TINF2: variants seen among roughly 807,000 people sequenced by gnomAD.
TINF2 encodes the protein TERF1-interacting nuclear factor 2.
In TINF2, 27 loss-of-function variants were observed where a neutral mutation model predicts 50.4. That is an observed-to-expected ratio of 0.54 (90% CI 0.40 to 0.74). The LOEUF (loss-of-function observed/expected upper bound fraction) is 0.74, where lower values mean the gene tolerates loss of function less well. Ranked by LOEUF, TINF2 falls within the 30% of genes least tolerant of loss-of-function variation. TINF2 has a pLI of 0.00. For missense variants in TINF2, 496 were observed against 551.5 expected (o/e 0.90, Z 1.01); for synonymous variants, 223 against 214.6 (o/e 1.04, Z -0.34).
rs1307959770 is a variant in TINF2, at chr14:24,241,243, A to C, written c.468T>G (p.Cys156Trp). The change falls in exon 4 of 9, where the codon TGT becomes TGG. Residue 156 changes from cysteine (C) to tryptophan (W), a missense_variant. Cys to Trp is a radical substitution (Grantham distance 215, BLOSUM62 -2). Transcript: ENST00000267415. Reference sequence around the variant, plus strand: ...GTGTAGGCAGTGCTTTCTCCAGCTGACACAAGTACTCAAAAAGCAGCTTTT... The same window carrying C: ...GTGTAGGCAGTGCTTTCTCCAGCTGCCACAAGTACTCAAAAAGCAGCTTTT... ...AMEKLLFEYL[C>W]QLEKALPTPQ... 6.2e-7 allele frequency: 1 copy of C among 1,614,136 alleles called. No individual in the cohort carries two copies. The highest frequency in any genetic ancestry group is 8.5e-7 in the Non-Finnish European group (1 of 1,180,030).
Position 24,239,823 on chromosome 14 carries a change from A to G in TINF2, c.1330T>C (p.Cys444Arg). ...CACAAAGGTCTAGAACTGTCTCTAC[A>G]GTCACAGGAAGAAACAGGTATGGCA... is the stretch of plus-strand genomic sequence containing the variant. ...HGAIPVSSCD[C>R]RDSSRPL Residue 444 changes from cysteine to arginine, a missense_variant, in exon 9 of 9, where the codon TGT (cysteine) becomes CGT (arginine). Around this residue, in one of 3 missense-constraint regions of TINF2, gnomAD observed 179 missense variants for 188.3 expected, o/e 0.95. Coordinates refer to ENST00000267415, the MANE Select transcript of TINF2 (RefSeq NM_001099274.3). 3 of 1,614,220 alleles carry G rather than the reference A, an allele frequency of 1.9e-6. No individual in the cohort carries two copies. Among genetic ancestry groups the G allele is most frequent in the Non-Finnish European group, 2.5e-6 (3 of 1,180,038 alleles).
In TINF2 at chr14:24,241,033, C is replaced by A; in HGVS notation, c.591G>T (p.Gly197=). The A allele has an allele frequency of 6.2e-7, 1 of 1,614,170 alleles. No individual in the cohort carries two copies. The highest frequency in any genetic ancestry group is 8.5e-7 in the Non-Finnish European group (1 of 1,180,032). The change falls in exon 5 of 9, where the codon GGG becomes GGT. Residue 197 remains glycine (G), a synonymous_variant. Transcript: ENST00000267415. ...LAWRQYGVDM[G]WLLPECSVTD... is the part of the protein sequence containing the mutation. ...AATTCCTAGTACCTGGAAGCAGCCACCCCATGTCCACACCATATTGTCTCC... is the reference window on the plus strand; with the variant it reads ...AATTCCTAGTACCTGGAAGCAGCCAACCCATGTCCACACCATATTGTCTCC...
chr14:24,240,091 C>T lies in TINF2; in HGVS notation c.1194G>A (p.Glu398=), dbSNP rs1435597173. The T allele has an allele frequency of 6.2e-7, 1 of 1,614,038 alleles. No individual in the cohort carries two copies. The highest frequency in any genetic ancestry group is 1.1e-5 in the South Asian group (1 of 91,062). The stretch of plus-strand genomic sequence containing the variant: ...TTCCTTCCCCCTGGCCATTTTCTTC[C>T]TCATCAGAGTCTAAAACCAAGTCCC... ...TIGDLVLDSD[E]EENGQGEGKE... The change falls in exon 8 of 9, where the codon GAG becomes GAA. Residue 398 remains glutamate (E), a synonymous_variant. Transcript: ENST00000267415.
In TINF2 at chr14:24,240,249, C is replaced by A. The variant is rs1286802976; in HGVS notation, c.1129+14G>T. ...GAGGAGGCTGTTGATCCAATCCTGA[C>A]TCAGACTACCTACCTGGCTTCCTGG... On this transcript the variant is annotated intron_variant, in intron 7 of 8. Coordinates refer to ENST00000267415, the MANE Select transcript of TINF2 (RefSeq NM_001099274.3). The A allele has an allele frequency of 5.0e-6, 8 of 1,613,926 alleles. No individual in the cohort carries two copies.
Position 24,239,804 on chromosome 14 carries a change from G to A in TINF2, c.1349C>T (p.Pro450Leu). Residue 450 changes from proline to leucine, a missense_variant, in exon 9 of 9, where the codon CCT becomes CTT. Physicochemically the swap from Pro to Leu is moderately conservative, Grantham distance 98. Around this residue, in one of 3 missense-constraint regions of TINF2, gnomAD observed 179 missense variants for 188.3 expected, o/e 0.95. Transcript: ENST00000267415. The stretch of plus-strand genomic sequence containing the variant: ...GAGAGCATTTTAGTTCTATCACAAA[G>A]GTCTAGAACTGTCTCTACAGTCACA... ...SSCDCRDSSR[P>L]L The A allele has an allele frequency of 1.2e-6, 2 of 1,614,166 alleles. No individual in the cohort carries two copies. The highest frequency in any genetic ancestry group is 2.2e-5 in the East Asian group (1 of 44,890).
chr14:24,242,212 G>C lies in TINF2; in HGVS notation c.121C>G (p.Leu41Val). 6.2e-7 allele frequency: 1 copy of C among 1,614,276 alleles called. No individual in the cohort carries two copies. The highest frequency in any genetic ancestry group is 1.3e-5 in the African/African-American group (1 of 75,080). The change falls in exon 1 of 9, where the codon CTG (leucine) becomes GTG (valine). Residue 41 changes from leucine to valine, a missense_variant. Physicochemically the swap from Leu to Val is conservative, Grantham distance 32. This residue lies in a region of TINF2 where 314 missense variants were observed against 343.8 expected (regional missense o/e 0.91). Coordinates refer to ENST00000267415, the MANE Select transcript of TINF2 (RefSeq NM_001099274.3). The part of the protein sequence containing the change: ...FPRVLEFLRS[L>V]RAVAPGLVRY... ...ACCAAGCCAGGGGCAACAGCGCGCA[G>C]AGATCGCAGAAACTCCAGTACTCGC...
At position 24,242,270 on chromosome 14, in the gene TINF2, C is replaced by G. The variant is rs374231455; in HGVS notation, c.63G>C (p.Gln21His). The G allele has an allele frequency of 2.5e-6, 4 of 1,614,134 alleles. No homozygotes were observed. In the East Asian group the frequency reaches 6.7e-5, roughly 27 times the overall value. ...GTTCCACGCAGCGTCCGCGCACAACCTGCCAGCTAGCCGCGGCGGCGAAGC... is the reference window on the plus strand; with the variant it reads ...GTTCCACGCAGCGTCCGCGCACAACGTGCCAGCTAGCCGCGGCGGCGAAGC... Reference protein sequence around the residue: ...ALRFAAAASWQVVRGRCVEHF... With the variant: ...ALRFAAAASWHVVRGRCVEHF... Residue 21 changes from glutamine to histidine, a missense_variant, in exon 1 of 9, where the codon CAG becomes CAC. By Grantham distance (24) the Gln-to-His change is conservative. Coordinates refer to ENST00000267415, the MANE Select transcript of TINF2 (RefSeq NM_001099274.3).
At position 24,241,034 on chromosome 14, in the gene TINF2, C is replaced by G; in HGVS notation, c.590G>C (p.Gly197Ala). The change falls in exon 5 of 9, where the codon GGG (glycine) becomes GCG (alanine). Residue 197 changes from glycine (G) to alanine (A), a missense_variant. Gly to Ala is a moderately conservative substitution (Grantham distance 60, BLOSUM62 0). Around this residue, in one of 3 missense-constraint regions of TINF2, gnomAD observed 314 missense variants for 343.8 expected, o/e 0.91. Coordinates refer to ENST00000267415, the MANE Select transcript of TINF2 (RefSeq NM_001099274.3). ...ATTCCTAGTACCTGGAAGCAGCCACCCCATGTCCACACCATATTGTCTCCA... is the reference window on the plus strand; with the variant it reads ...ATTCCTAGTACCTGGAAGCAGCCACGCCATGTCCACACCATATTGTCTCCA... Reference protein sequence around the residue: ...LAWRQYGVDMGWLLPECSVTD... With the variant: ...LAWRQYGVDMAWLLPECSVTD... The G allele has an allele frequency of 6.2e-7, 1 of 1,614,096 alleles. No individual in the cohort carries two copies. The highest frequency in any genetic ancestry group is 8.5e-7 in the Non-Finnish European group (1 of 1,180,014).
chr14:24,240,172 A>G lies in TINF2; in HGVS notation c.1130-17T>C, dbSNP rs2040538429. On this transcript the variant is annotated splice_polypyrimidine_tract_variant and intron_variant, in intron 7 of 8. Transcript: ENST00000267415. ...GAGGACACACTGTAGGAGGGAAACC[A>G]GAATCAAACTACTACTTCTAGATGA... The G allele has an allele frequency of 3.1e-6, 5 of 1,614,122 alleles. No homozygotes were observed. Among genetic ancestry groups the G allele is most frequent in the South Asian group, 2.2e-5 (2 of 91,084 alleles).
chr14:24,240,526 C>T lies in TINF2; in HGVS notation c.954G>A (p.Met318Ile). 1.2e-6 allele frequency: 2 copies of T among 1,614,198 alleles called. No homozygotes were observed. The highest frequency in any genetic ancestry group is 1.7e-6 in the Non-Finnish European group (2 of 1,180,032). Residue 318 changes from methionine (M) to isoleucine (I), a missense_variant, in exon 6 of 9, where the codon ATG (methionine) becomes ATA (isoleucine). This residue lies in a region of TINF2 where 179 missense variants were observed against 188.3 expected (regional missense o/e 0.95). Coordinates refer to ENST00000267415, the MANE Select transcript of TINF2 (RefSeq NM_001099274.3). ...EHAIYTADLA[M>I]GTRAASTGKS... ...TCCCAGTGGAGGCTGCTCTTGTGCC[C>T]ATGGCTAGGTCTGCTGTGTATATCG...
At position 24,242,072 on chromosome 14, in the gene TINF2, G is replaced by A. The variant is rs2040592796; in HGVS notation, c.192+69C>T. ...AACTAGTCTCATCCCCAAGCTGTGGGCCCTTGTCAGGTGCTCGCATCCCGC... is the reference window on the plus strand; with the variant it reads ...AACTAGTCTCATCCCCAAGCTGTGGACCCTTGTCAGGTGCTCGCATCCCGC... On this transcript the variant is annotated intron_variant, in intron 1 of 8. Transcript: ENST00000267415. 3 of 1,613,822 alleles carry A rather than the reference G, an allele frequency of 1.9e-6. No individual in the cohort carries two copies. In the African/African-American group the frequency reaches 4.0e-5, roughly 22 times the overall value.
At chr14:24,242,019 C>T (rs778766822) in intron 1 of TINF2, 25 bp from the exon 2 acceptor site, 12 of 1,614,198 alleles carry the variant, frequency 7.4e-6, no homozygotes, top group Middle Eastern at 1.7e-4. Context: ...ATTCAGAATC[C>T]CCACTTCGGG....
Position 24,241,723 on chromosome 14 carries a change from C to G in TINF2, c.351G>C (p.Gln117His). The change falls in exon 3 of 9, where the codon CAG (glutamine) becomes CAC (histidine). Residue 117 changes from glutamine to histidine, a missense_variant. This residue lies in a region of TINF2 where 314 missense variants were observed against 343.8 expected (regional missense o/e 0.91). Coordinates refer to ENST00000267415, the MANE Select transcript of TINF2 (RefSeq NM_001099274.3). ...ILEAQETFYQ[Q>H]VKQLSEAPVD... is the part of the protein sequence containing the mutation. ...CAGGAGCCTCTGACAGCTGCTTCAC[C>G]TGCTGGTAAAAAGTTTCCTGTGCCT... 6.2e-7 allele frequency: 1 copy of G among 1,613,432 alleles called. No homozygotes were observed. The highest frequency in any genetic ancestry group is 8.5e-7 in the Non-Finnish European group (1 of 1,179,710).
In TINF2 at chr14:24,239,821, A is replaced by G. The variant is rs1414894689; in HGVS notation, c.1332T>C (p.Cys444=). Residue 444 remains cysteine (C), a synonymous_variant, in exon 9 of 9, where the codon TGT becomes TGC. Coordinates refer to ENST00000267415, the MANE Select transcript of TINF2 (RefSeq NM_001099274.3). ...ATCACAAAGGTCTAGAACTGTCTCT[A>G]CAGTCACAGGAAGAAACAGGTATGG... ...HGAIPVSSCD[C]RDSSRPL 4 of 1,614,234 alleles carry G rather than the reference A, an allele frequency of 2.5e-6. No individual in the cohort carries two copies. Among genetic ancestry groups the G allele is most frequent in the South Asian group, 1.1e-5 (1 of 91,084 alleles).
At chr14:24,240,184 C>T (rs1566366028) in intron 7 of TINF2, 29 bp from the exon 8 acceptor site, 1 of 1,614,066 alleles carries the variant, frequency 6.2e-7, no homozygotes, top group South Asian at 1.1e-5. Flanking sequence ...AATCAAACTA[C>T]TACTTCTAGA....
rs774403117 is a variant in TINF2, at chr14:24,241,067, G to A, written c.557C>T (p.Ser186Phe). 3 of 1,614,204 alleles carry A rather than the reference G, an allele frequency of 1.9e-6. No homozygotes were observed. In the South Asian group the frequency reaches 3.3e-5, roughly 18 times the overall value. The change falls in exon 5 of 9, where the codon TCT becomes TTT. Residue 186 changes from serine to phenylalanine, a missense_variant. By Grantham distance (155) the Ser-to-Phe change is radical (BLOSUM62 -2). Transcript: ENST00000267415. ...WMQPGVSITS[S>F]LAWRQYGVDM... ...CACACCATATTGTCTCCAGGCAAGA[G>A]AAGAGGTGATAGAGACTCCAGGCTG...
Position 24,239,844 on chromosome 14 carries a change from T to C in TINF2, c.1309A>G (p.Ile437Val), listed in dbSNP as rs777060713. The part of the protein sequence containing the change: ...EYLPPSGHGA[I>V]PVSSCDCRDS... Reference sequence around the variant, plus strand: ...CTACAGTCACAGGAAGAAACAGGTATGGCACCGTGGCCAGAAGGGGGTAGG... The same window carrying C: ...CTACAGTCACAGGAAGAAACAGGTACGGCACCGTGGCCAGAAGGGGGTAGG... The change falls in exon 9 of 9, where the codon ATA becomes GTA. Residue 437 changes from isoleucine (I) to valine (V), a missense_variant. Ile to Val is a conservative substitution (Grantham distance 29). Around this residue, in one of 3 missense-constraint regions of TINF2, gnomAD observed 179 missense variants for 188.3 expected, o/e 0.95. Transcript: ENST00000267415. 6.2e-6 allele frequency: 10 copies of C among 1,614,068 alleles called. No homozygotes were observed. In the East Asian group the frequency reaches 2.2e-4, roughly 36 times the overall value.
At position 24,240,767 on chromosome 14, in the gene TINF2, G is replaced by C. The variant is rs1472436246; in HGVS notation, c.713C>G (p.Thr238Arg). The C allele has an allele frequency of 6.2e-7, 1 of 1,613,612 alleles. No individual in the cohort carries two copies. The highest frequency in any genetic ancestry group is 1.3e-5 in the African/African-American group (1 of 74,828). The change falls in exon 6 of 9, where the codon ACA becomes AGA. Residue 238 changes from threonine (T) to arginine (R), a missense_variant. By Grantham distance (71) the Thr-to-Arg change is moderately conservative. Around this residue, in one of 3 missense-constraint regions of TINF2, gnomAD observed 314 missense variants for 343.8 expected, o/e 0.91. Transcript: ENST00000267415. ...TGAAGATGGTCCCTGAGGAAGATGT[G>C]TGCCAGGCTTGGCTTTTGGCAGGGG... Reference protein sequence around the residue: ...HNPLPKAKPGTHLPQGPSSRT... With the variant: ...HNPLPKAKPGRHLPQGPSSRT...
rs1594550794 is a variant in TINF2, at chr14:24,240,479, G to C, written c.1001C>G (p.Thr334Ser). Residue 334 changes from threonine to serine, a missense_variant, in exon 6 of 9, where the codon ACC (threonine) becomes AGC (serine). Thr to Ser is a moderately conservative substitution (Grantham distance 58, BLOSUM62 1). Transcript: ENST00000267415. ...CTCCTTCAGAGCCCTTCCCCCCAGGGTCTGGCATGGACTCTTAGACTTCCC... is the reference window on the plus strand; with the variant it reads ...CTCCTTCAGAGCCCTTCCCCCCAGGCTCTGGCATGGACTCTTAGACTTCCC... ...STGKSKSPCQ[T>S]LGGRALKENP... The C allele has an allele frequency of 1.9e-6, 3 of 1,614,204 alleles. No homozygotes were observed. The East Asian group carries it at 6.7e-5, about 36-fold the overall frequency.
Sources: gnomAD v4.1 joint callset for allele counts on GRCh38, gnomAD v4.1.1 for gene constraint, gnomAD v4.1.1 regional missense constraint, MANE v1.5 for transcripts, NCBI Gene and HGNC (gene_info 2026-07-23, HGNC 2026-07-21) for gene names.